RASEF: variants seen among roughly 807,000 people sequenced by gnomAD.
RASEF encodes the protein RAS and EF-hand domain containing.
RASEF carries 68 observed loss-of-function variants against 90.1 expected under a neutral mutation model. The ratio of observed to expected loss-of-function variants is 0.75; its 90% CI spans 0.62 to 0.92. The LOEUF (loss-of-function observed/expected upper bound fraction) is 0.92. RASEF is among the 40% of genes least tolerant of loss of function. The pLI is 0.00. For synonymous variants in RASEF, 331 were observed against 345.2 expected (o/e 0.96, Z 0.46); for missense variants, 949 against 937.2 (o/e 1.01, Z -0.16).
In RASEF at chr9:83,005,413, TACCAAAG is replaced by T; in HGVS notation, c.1109_1113+2del. The T allele has an allele frequency of 6.2e-7, 1 of 1,600,178 alleles. No individual in the cohort carries two copies. The highest frequency in any genetic ancestry group is 8.6e-7 in the Non-Finnish European group (1 of 1,167,374). On this transcript the variant is annotated splice_donor_variant and coding_sequence_variant, in exon 8 of 17. Transcript: ENST00000376447. LOFTEE classifies it high-confidence loss of function. The stretch of plus-strand genomic sequence containing the variant: ...AAATACATGGTAAAACTATGTGGCA[TACCAAAG>T]ATCTGTTGAACTTGCTATAACTGTT...
the RASEF span, among the ~76,000 whole-genome samples, chr9:83,154,919 A>G: frequency 6.6e-6 from 1 of 152,222 alleles, no homozygotes; most frequent in Non-Finnish European, 1.5e-5. Flanking sequence ...AAGGAGGCCC[A>G]GAAATTCTGT....
chr9:83,095,285 C>CAA, the RASEF span, among the ~76,000 whole-genome samples: 1 of 152,046 alleles, frequency 6.6e-6, no homozygotes, highest in African/African-American at 2.4e-5. Context: ...TGAATCTCAA[C>CAA]AAACCCAGTT....
chr9:83,005,221 C>T (rs1041273813), intron 8 of RASEF, among the ~76,000 whole-genome samples, 195 bp downstream of exon 8: 1 of 152,166 alleles, frequency 6.6e-6, no homozygotes, highest in Non-Finnish European at 1.5e-5. Flanking sequence ...AACATTGAGA[C>T]ACTTATTTCT....
the RASEF span, among the ~76,000 whole-genome samples, chr9:83,129,300 G>C: frequency 6.6e-6 from 1 of 152,072 alleles, no homozygotes; most frequent in Middle Eastern, 3.4e-3. Context: ...CCAGCCACTT[G>C]GGAGGCTGAG....
At chr9:83,095,792 C>G in the RASEF span, among the ~76,000 whole-genome samples, 1 of 152,048 alleles carries the variant, frequency 6.6e-6, no homozygotes, top group Non-Finnish European at 1.5e-5. Flanking sequence ...ACACTATAGA[C>G]TCACAGGTGC....
chr9:83,035,047 T>C (rs1292357643), intron 1 of RASEF, among the ~76,000 whole-genome samples: 1 of 152,092 alleles, frequency 6.6e-6, no homozygotes, highest in Non-Finnish European at 1.5e-5. Flanking sequence ...AAGAAAATCT[T>C]GTAGTATGGG....
chr9:83,162,366 T>G, the RASEF span, among the ~76,000 whole-genome samples: 14 of 152,160 alleles, frequency 9.2e-5, no homozygotes, highest in Non-Finnish European at 2.1e-4. Context: ...GGAGATGGTA[T>G]TACAGAAAGA....
chr9:83,177,900 G>C, the RASEF span, among the ~76,000 whole-genome samples: 1 of 151,796 alleles, frequency 6.6e-6, no homozygotes, highest in East Asian at 1.9e-4. Flanking sequence ...CCATTACATG[G>C]TTGCTGGCAT....
At chr9:83,120,200 T>C in the RASEF span, among the ~76,000 whole-genome samples, 1 of 152,198 alleles carries the variant, frequency 6.6e-6, no homozygotes, top group Non-Finnish European at 1.5e-5. Flanking sequence ...AAACTAAAAC[T>C]GCTTTGGCCA....
chr9:83,062,106 C>G (rs1230084458), intron 1 of RASEF, among the ~76,000 whole-genome samples: 1 of 152,224 alleles, frequency 6.6e-6, no homozygotes, highest in Non-Finnish European at 1.5e-5. Flanking sequence ...GGTGACGTAA[C>G]CAGGACGCGG....
At chr9:83,093,702 T>A in the RASEF span, among the ~76,000 whole-genome samples, 3 of 152,158 alleles carry the variant, frequency 2.0e-5, no homozygotes. Flanking sequence ...CACACCTCCC[T>A]GCAAGCTGAG....
the RASEF span, among the ~76,000 whole-genome samples, chr9:83,084,530 G>T: frequency 6.6e-6 from 1 of 152,120 alleles, no homozygotes; most frequent in Non-Finnish European, 1.5e-5. Flanking sequence ...AATCATACCT[G>T]CACTAAGCAC....
chr9:82,982,857 G>A, intron 16 of RASEF, 75 bp from the exon 17 acceptor site: 1 of 847,694 alleles, frequency 1.2e-6, no homozygotes, highest in East Asian at 2.4e-5. Context: ...TAAAAACTAA[G>A]CCACAGATGG....
intron 8 of RASEF, among the ~76,000 whole-genome samples, chr9:83,005,165 C>T (rs1480682094): frequency 2.0e-5 from 3 of 152,204 alleles, no homozygotes; most frequent in African/African-American, 2.4e-5. Flanking sequence ...TCCCATCTTA[C>T]ACACCTATCT....
the RASEF span, among the ~76,000 whole-genome samples, chr9:83,082,713 C>T: frequency 6.6e-6 from 1 of 152,152 alleles, no homozygotes; most frequent in Non-Finnish European, 1.5e-5. Flanking sequence ...GACTTCAAGG[C>T]TACAATGGAG....
chr9:83,016,986 G>A (rs961062517), intron 3 of RASEF, among the ~76,000 whole-genome samples: 5 of 152,134 alleles, frequency 3.3e-5, no homozygotes, highest in East Asian at 1.9e-4. Context: ...TAAAGGTAAC[G>A]TTTTTAAAAG....
chr9:83,016,692 G>A (rs1418111689), intron 3 of RASEF, among the ~76,000 whole-genome samples: 3 of 151,868 alleles, frequency 2.0e-5, no homozygotes, highest in Admixed American at 2.0e-4. Context: ...GACAGAAAAA[G>A]GCAATTTCAG....
chr9:83,154,039 C>T, the RASEF span, among the ~76,000 whole-genome samples: 2 of 152,178 alleles, frequency 1.3e-5, no homozygotes, highest in Non-Finnish European at 2.9e-5. Context: ...TGCTGTGTGA[C>T]CTTTCAGAAG....
chr9:83,041,410 AAC>A (rs1829840319), intron 1 of RASEF, among the ~76,000 whole-genome samples: 1 of 152,264 alleles, frequency 6.6e-6, no homozygotes, highest in African/African-American at 2.4e-5. Flanking sequence ...ATAAATCAAT[AAC>A]AGTGTCCCAG....
Sources: allele counts gnomAD v4.1 joint callset (sites outside exome capture counted in the v4.1 genomes callset), GRCh38; gene constraint gnomAD v4.1.1; transcripts MANE v1.5; gene names NCBI Gene and HGNC (gene_info 2026-07-23, HGNC 2026-07-21).